The following DPP8 variants were observed in gnomAD, a reference collection of about 807,000 sequenced individuals.
The protein encoded by DPP8 is DPP VIII.
Under a neutral mutation model 107.5 loss-of-function variants are expected in DPP8, and 31 were observed. The observed-to-expected ratio is 0.29, with a 90% CI of 0.22 to 0.39. The LOEUF (loss-of-function observed/expected upper bound fraction) is 0.39, where lower values mean the gene tolerates loss of function less well. Ranked by LOEUF, DPP8 falls within the 10% of genes least tolerant of loss-of-function variation. The pLI, the probability that DPP8 is intolerant of heterozygous loss-of-function variation, is 1.00. For synonymous variants in DPP8, 381 were observed against 356.6 expected (o/e 1.07, Z -0.77); for missense variants, 842 against 1,076.1 (o/e 0.78, Z 3.04).
At chr15:65,517,279 C>G (rs1177915472) in intron 1 of DPP8, 1 of 152,572 alleles carries the variant, frequency 6.6e-6, no homozygotes, top group African/African-American at 2.4e-5. Flanking sequence ...AATCTCAGAG[C>G]CTCGGCTTCC....
intron 16 of DPP8, chr15:65,455,927 TC>T: frequency 9.3e-7 from 1 of 1,078,500 alleles, no homozygotes; most frequent in Non-Finnish European, 1.3e-6. Context: ...TCTCAATTAT[TC>T]CTCAACTGTG....
intron 5 of DPP8, among the ~76,000 whole-genome samples, chr15:65,497,170 C>T (rs2068691448): frequency 6.6e-6 from 1 of 152,194 alleles, no homozygotes; most frequent in Non-Finnish European, 1.5e-5. Context: ...GGACTACAGG[C>T]ATGAGCCACC....
At chr15:65,490,678 T>C (rs2067940226) in intron 5 of DPP8, among the ~76,000 whole-genome samples, 1 of 152,204 alleles carries the variant, frequency 6.6e-6, no homozygotes, top group Non-Finnish European at 1.5e-5. Flanking sequence ...ATAGGGGACA[T>C]ATAACTCTCT....
At position 65,481,589 on chromosome 15, in the gene DPP8, T is replaced by A; in HGVS notation, c.1044A>T (p.Leu348=). The change falls in exon 9 of 20, where the codon CTA becomes CTT. Residue 348 remains leucine (L), a synonymous_variant. Transcript: ENST00000300141. ...GRIIDVIDKE[L]IQPFEILFEG... Reference sequence around the variant, plus strand: ...CAAATAGAATCTCAAAAGGTTGAATTAGTTCCTTATCTATGACATCTATGA... The same window carrying A: ...CAAATAGAATCTCAAAAGGTTGAATAAGTTCCTTATCTATGACATCTATGA... 6.4e-7 allele frequency: 1 copy of A among 1,574,610 alleles called. No individual in the cohort carries two copies.
intron 1 of DPP8, chr15:65,512,782 T>C: frequency 3.5e-6 from 2 of 564,150 alleles, no homozygotes; most frequent in East Asian, 3.0e-5. Context: ...TCAGGTCTAC[T>C]TCACAGTGCC....
At chr15:65,517,104 A>T (rs1013758256) in intron 1 of DPP8, 2 of 152,514 alleles carry the variant, frequency 1.3e-5, no homozygotes, top group African/African-American at 4.8e-5. Context: ...AGTCGGACTT[A>T]AGGAAAATCC....
intron 17 of DPP8, among the ~76,000 whole-genome samples, chr15:65,453,273 G>A (rs1442864354): frequency 6.6e-6 from 1 of 152,158 alleles, no homozygotes; most frequent in Non-Finnish European, 1.5e-5. Flanking sequence ...CTCATAGCTT[G>A]CAGTCCAACA....
At chr15:65,448,919 TATA>T (rs2063755381) in intron 19 of DPP8, among the ~76,000 whole-genome samples, 1 of 88,658 alleles carries the variant, frequency 1.1e-5, no homozygotes, top group African/African-American at 4.3e-5. Flanking sequence ...TATATATATA[TATA>T]TTTAGCCTGG....
chr15:65,476,052 C>T (rs1229493519), intron 11 of DPP8, among the ~76,000 whole-genome samples: 1 of 152,148 alleles, frequency 6.6e-6, no homozygotes, highest in East Asian at 1.9e-4. Flanking sequence ...TCACCCAGCA[C>T]CCATTTGTTT....
intron 1 of DPP8, among the ~76,000 whole-genome samples, chr15:65,515,447 T>C (rs2071332609): frequency 2.6e-5 from 4 of 152,214 alleles, no homozygotes; most frequent in Admixed American, 1.3e-4. Flanking sequence ...TTCTAAAATA[T>C]ACCTGATATT....
rs552436528 is a variant in DPP8, at chr15:65,458,410, A to G, written c.1972-2039T>C. Among the ~76,000 whole-genome samples the G allele has an allele frequency of 2.9e-4, 44 of 152,178 alleles. 1 individual carries two copies. The South Asian group carries it at 3.9e-3, about 14-fold the overall frequency. The stretch of plus-strand genomic sequence containing the variant: ...CGAGTAGCTGGGATTATAGGTGTGC[A>G]CCACAATGCCTGGCTAATTTTTGTA... On this transcript the variant is annotated intron_variant, in intron 15 of 19. Coordinates refer to ENST00000300141, the MANE Select transcript of DPP8 (RefSeq NM_130434.5).
intron 15 of DPP8, among the ~76,000 whole-genome samples, chr15:65,463,181 T>C (rs114043757): frequency 8.0e-4 from 122 of 152,314 alleles, no homozygotes; most frequent in African/African-American, 2.8e-3. Context: ...GAAAGCAACA[T>C]ATTTACCTAC....
At chr15:65,478,320 G>A (rs1328524239) in intron 11 of DPP8, among the ~76,000 whole-genome samples, 1 of 152,138 alleles carries the variant, frequency 6.6e-6, no homozygotes, top group Admixed American at 6.6e-5. Context: ...GTGTGGTGGC[G>A]TGATCTTGGC....
intron 5 of DPP8, among the ~76,000 whole-genome samples, chr15:65,495,197 GT>G (rs1269339797): frequency 6.6e-6 from 1 of 152,112 alleles, no homozygotes; most frequent in Admixed American, 6.6e-5. Context: ...TTCTCACGTA[GT>G]CCCCTTGTCA....
intron 19 of DPP8, among the ~76,000 whole-genome samples, chr15:65,447,380 A>G (rs1408529569): frequency 6.6e-6 from 1 of 152,222 alleles, no homozygotes; most frequent in Non-Finnish European, 1.5e-5. Flanking sequence ...AGCAAAGGTC[A>G]GTAAAACTGC....
At chr15:65,516,112 T>C in intron 1 of DPP8, 1 of 281,144 alleles carries the variant, frequency 3.6e-6, no homozygotes, top group Non-Finnish European at 6.5e-6. Flanking sequence ...ACTCAGTGAC[T>C]ATTGCAAATC....
At chr15:65,498,968 G>A (rs1383665384) in intron 4 of DPP8, among the ~76,000 whole-genome samples, 1 of 151,836 alleles carries the variant, frequency 6.6e-6, no homozygotes, top group Non-Finnish European at 1.5e-5. Context: ...TGAGGTGGGA[G>A]GATTGCTTGA....
At chr15:65,489,908 G>A (rs534463040) in intron 6 of DPP8, among the ~76,000 whole-genome samples, 7 of 151,516 alleles carry the variant, frequency 4.6e-5, no homozygotes, top group South Asian at 4.2e-4. Context: ...TATTAGAAAC[G>A]GGGTTTCATC....
In DPP8 at chr15:65,487,835, A is replaced by T; in HGVS notation, c.827-17T>A. 1 of 1,478,770 alleles carries T rather than the reference A, an allele frequency of 6.8e-7. No individual in the cohort carries two copies. Among genetic ancestry groups the T allele is most frequent in the Non-Finnish European group, 9.3e-7 (1 of 1,075,628 alleles). 91.6% of individuals were successfully genotyped at this position (1,478,770 alleles called of 1,614,324 possible). ...CACTGGGAGCTTAAAAGAAATTTAA[A>T]TATTGAAAATTTAGAAGAATTATTC... On this transcript the variant is annotated splice_polypyrimidine_tract_variant and intron_variant, in intron 6 of 19. Coordinates refer to ENST00000300141, the MANE Select transcript of DPP8 (RefSeq NM_130434.5).
Sources: gnomAD v4.1 joint callset for allele counts (sites outside exome capture counted in the v4.1 genomes callset) on GRCh38, gnomAD v4.1.1 for gene constraint, MANE v1.5 for transcripts, NCBI Gene and HGNC (gene_info 2026-07-23, HGNC 2026-07-21) for gene names.